TTC31: variants seen among roughly 807,000 people sequenced by gnomAD.
TTC31 encodes the protein tetratricopeptide repeat protein 31.
In TTC31, 59 loss-of-function variants were observed where a neutral mutation model predicts 60.4. That is an observed-to-expected ratio of 0.98 (90% CI 0.79 to 1.21). The LOEUF is 1.21. TTC31 is among the 50% of genes most tolerant of loss of function. The pLI, the probability that TTC31 is intolerant of heterozygous loss-of-function variation, is 0.00. For synonymous variants in TTC31, 225 were observed against 249.6 expected (o/e 0.90, Z 0.93); for missense variants, 672 against 646.9 (o/e 1.04, Z -0.42).
intron 7 of TTC31, 41 bp downstream of exon 7, chr2:74,491,416 T>A: frequency 6.2e-7 from 1 of 1,611,960 alleles, no homozygotes; most frequent in Non-Finnish European, 8.5e-7. Context: ...CTGCTCATTT[T>A]CCTCCTCCTC....
In TTC31 at chr2:74,490,651, T is replaced by G. The variant is rs1355791968; in HGVS notation, c.463-5T>G. 6.2e-7 allele frequency: 1 copy of G among 1,613,776 alleles called. No homozygotes were observed. Among genetic ancestry groups the G allele is most frequent in the African/African-American group, 1.3e-5 (1 of 75,014 alleles). On this transcript the variant is annotated splice_region_variant and splice_polypyrimidine_tract_variant and intron_variant, in intron 4 of 12. Coordinates refer to ENST00000233623, the MANE Select transcript of TTC31 (RefSeq NM_022492.6). Reference sequence around the variant, plus strand: ...TTTTTCTGTCACCTGCCCTTCGTCCTTCAGGAAGCCAATCGCCTGGCTGAG... The same window carrying G: ...TTTTTCTGTCACCTGCCCTTCGTCCGTCAGGAAGCCAATCGCCTGGCTGAG...
chr2:74,484,684 CTT>C (rs1201557359), intron 2 of TTC31, among the ~76,000 whole-genome samples: 1 of 152,080 alleles, frequency 6.6e-6, no homozygotes, highest in Non-Finnish European at 1.5e-5. Flanking sequence ...GTCTCGATCT[CTT>C]GACCTCGTGA....
At position 74,490,384 on chromosome 2, in the gene TTC31, C is replaced by T; in HGVS notation, c.373C>T (p.Gln125Ter). The T allele has an allele frequency of 6.2e-7, 1 of 1,614,118 alleles. No homozygotes were observed. The highest frequency in any genetic ancestry group is 1.1e-5 in the South Asian group (1 of 91,080). The change falls in exon 4 of 13, where the codon CAA becomes TAA. Residue 125 changes from glutamine (Q) to a stop codon, truncating the protein, a stop_gained. Transcript: ENST00000233623. LOFTEE classifies it high-confidence loss of function. ...TCCCCAAGAGTCTGAGCCCTGCCCT[C>T]AAAGCCCCTCTGCCTCTGCCACCTT... is the stretch of plus-strand genomic sequence containing the variant. ...YPPQESEPCPQSPSASATFPS... is the reference protein window; with the variant it reads ...YPPQESEPCP
intron 8 of TTC31, 132 bp from the exon 9 acceptor site, chr2:74,491,872 A>G: frequency 1.3e-6 from 2 of 1,494,908 alleles, no homozygotes; most frequent in South Asian, 1.2e-5. Context: ...GGCTGATACC[A>G]TCTTGTAGGG....
Position 74,483,131 on chromosome 2 carries a change from G to T in TTC31, c.36G>T (p.Lys12Asn), listed in dbSNP as rs775377929. Residue 12 changes from lysine (K) to asparagine (N), a missense_variant, in exon 1 of 13, where the codon AAG becomes AAT. Physicochemically the swap from Lys to Asn is moderately conservative, Grantham distance 94. Coordinates refer to ENST00000233623, the MANE Select transcript of TTC31 (RefSeq NM_022492.6). ...TTCCAAAGACTGTGGGGCGGATCAA[G>T]CTAGGTGAGCGGTATGACAAGACCA... ...APIPKTVGRI[K>N]LDCSLRPSCP... 5.0e-6 allele frequency: 8 copies of T among 1,614,130 alleles called. No individual in the cohort carries two copies. The highest frequency in any genetic ancestry group is 1.3e-5 in the African/African-American group (1 of 74,954).
Position 74,484,061 on chromosome 2 carries a change from C to T in TTC31, c.129+651C>T, listed in dbSNP as rs549933385. Among the ~76,000 whole-genome samples, 49 of 151,876 alleles carry T rather than the reference C, an allele frequency of 3.2e-4. 1 individual carries two copies. In the East Asian group the frequency reaches 7.6e-3, roughly 24 times the overall value. ...GACCAGCCTGGCCAACATGGTGAAA[C>T]GCCATCTCTACCAAAAATACGAAAA... On this transcript the variant is annotated intron_variant, in intron 2 of 12. Coordinates refer to ENST00000233623, the MANE Select transcript of TTC31 (RefSeq NM_022492.6).
chr2:74,483,846 T>G (rs534822617), intron 2 of TTC31: 76 of 207,192 alleles, frequency 3.7e-4, no homozygotes, highest in Admixed American at 3.5e-3. Flanking sequence ...GCCCGCGTGG[T>G]GGGTGGGGGA....
At position 74,492,939 on chromosome 2, in the gene TTC31, A is replaced by C. The variant is rs1410196196; in HGVS notation, c.1281A>C (p.Gly427=). 1.0e-5 allele frequency: 16 copies of C among 1,607,518 alleles called. No individual in the cohort carries two copies. Among genetic ancestry groups the C allele is most frequent in the Non-Finnish European group, 1.3e-5 (15 of 1,175,004 alleles). The change falls in exon 13 of 13, where the codon GGA becomes GGC. Residue 427 remains glycine (G), a synonymous_variant. Coordinates refer to ENST00000233623, the MANE Select transcript of TTC31 (RefSeq NM_022492.6). ...LHLTLQGQRG[G]ICAPPLSPGA... is the part of the protein sequence containing the mutation. ...CTTCTCAGCAGGGTCAGCGAGGAGG[A>C]ATCTGTGCACCACCTCTGTCACCTG...
In TTC31 at chr2:74,483,349, T is replaced by G; in HGVS notation, c.68T>G (p.Leu23Arg). ...LDCSLRPSCP[L>R]EVAAAPKLCK... ...TGCTCTCTACGGCCCAGCTGCCCACTGGAGGTCGCTGCTGCACCCAAACTT... is the reference window on the plus strand; with the variant it reads ...TGCTCTCTACGGCCCAGCTGCCCACGGGAGGTCGCTGCTGCACCCAAACTT... The change falls in exon 2 of 13, where the codon CTG becomes CGG. Residue 23 changes from leucine to arginine, a missense_variant. By Grantham distance (102) the Leu-to-Arg change is moderately radical. Transcript: ENST00000233623. 6.2e-7 allele frequency: 1 copy of G among 1,614,180 alleles called. No individual in the cohort carries two copies.
At chr2:74,484,708 T>G (rs1672884907) in intron 2 of TTC31, among the ~76,000 whole-genome samples, 1 of 152,060 alleles carries the variant, frequency 6.6e-6, no homozygotes, top group Admixed American at 6.5e-5. Flanking sequence ...CCGCCCGCCT[T>G]GGCCTCCCAG....
chr2:74,487,506 C>G (rs1473544558), intron 2 of TTC31, among the ~76,000 whole-genome samples: 2 of 152,038 alleles, frequency 1.3e-5, no homozygotes, highest in Non-Finnish European at 2.9e-5. Context: ...GTGTGAGCCA[C>G]TGCACCCGGC....
At chr2:74,483,435 C>A (rs374507059) in intron 2 of TTC31, 25 bp downstream of exon 2, 2 of 1,614,040 alleles carry the variant, frequency 1.2e-6, no homozygotes, top group Non-Finnish European at 8.5e-7. Context: ...CAGTTTCCCC[C>A]AGTCCTGCTC....
At chr2:74,489,925 T>C (rs1421059801) in intron 2 of TTC31, 100 bp from the exon 3 acceptor site, 6 of 823,248 alleles carry the variant, frequency 7.3e-6, no homozygotes, top group Non-Finnish European at 1.2e-5. Context: ...GATAGCTGGT[T>C]GGTGGCTGCC....
At position 74,492,967 on chromosome 2, in the gene TTC31, G is replaced by C; in HGVS notation, c.1309G>C (p.Ala437Pro). Residue 437 changes from alanine to proline, a missense_variant, in exon 13 of 13, where the codon GCC becomes CCC. Physicochemically the swap from Ala to Pro is conservative, Grantham distance 27 (BLOSUM62 -1). Transcript: ENST00000233623. ...GICAPPLSPG[A>P]LQPLPHAELA... The stretch of plus-strand genomic sequence containing the variant: ...CTGTGCACCACCTCTGTCACCTGGG[G>C]CCCTCCAGCCACTTCCCCATGCTGA... The C allele has an allele frequency of 6.2e-7, 1 of 1,613,456 alleles. No homozygotes were observed. The highest frequency in any genetic ancestry group is 1.1e-5 in the South Asian group (1 of 91,030).
At chr2:74,491,227 A>G (rs1673838881) in intron 6 of TTC31, 43 bp downstream of exon 6, 1 of 1,614,174 alleles carries the variant, frequency 6.2e-7, no homozygotes, top group Non-Finnish European at 8.5e-7. Flanking sequence ...AGTGCCAGGA[A>G]GGTGAGGGCC....
At chr2:74,487,339 C>T (rs1049058877) in intron 2 of TTC31, among the ~76,000 whole-genome samples, 1 of 152,134 alleles carries the variant, frequency 6.6e-6, no homozygotes, top group Non-Finnish European at 1.5e-5. Flanking sequence ...CTACCTCAGC[C>T]TCCCAAGTAG....
intron 2 of TTC31, among the ~76,000 whole-genome samples, chr2:74,485,412 T>TA (rs1672982286): frequency 6.6e-6 from 1 of 151,900 alleles, no homozygotes; most frequent in African/African-American, 2.4e-5. Context: ...AGACTCCTTG[T>TA]ATCTGGCCTG....
rs1674191995 is a variant in TTC31, at chr2:74,493,687, A to G, written c.*469A>G. The G allele has an allele frequency of 6.3e-6, 1 of 158,378 alleles. No homozygotes were observed. The highest frequency in any genetic ancestry group is 1.4e-5 in the Non-Finnish European group (1 of 72,068). 9.8% of individuals were successfully genotyped at this position (158,378 alleles called of 1,614,324 possible). A position where few individuals can be genotyped will look rare whatever the true frequency, so the allele number is the denominator to read the frequency against. On this transcript the variant is annotated 3_prime_UTR_variant, in exon 13 of 13. Transcript: ENST00000233623. ...GCCCCAGCTCGTGCCCTGTTTTTCT[A>G]GCCATAGCCCCCAGATTACTCACAG...
Position 74,492,351 on chromosome 2 carries a change from C to T in TTC31, c.1067C>T (p.Ala356Val), listed in dbSNP as rs747483960. 139 of 1,564,492 alleles carry T rather than the reference C, an allele frequency of 8.9e-5. 1 individual carries two copies. The highest frequency in any genetic ancestry group is 1.2e-4 in the Non-Finnish European group (133 of 1,152,568). Residue 356 changes from alanine (A) to valine (V), a missense_variant, in exon 11 of 13, where the codon GCG (alanine) becomes GTG (valine). By Grantham distance (64) the Ala-to-Val change is moderately conservative. Coordinates refer to ENST00000233623, the MANE Select transcript of TTC31 (RefSeq NM_022492.6). The stretch of plus-strand genomic sequence containing the variant: ...TGCCATGAGCGGTTGGGTCAGCCAG[C>T]GTGGGCCCTGGCTGATGCCCAGGTG... Reference protein sequence around the residue: ...SFCHERLGQPAWALADAQVAL... With the variant: ...SFCHERLGQPVWALADAQVAL...
Sources: allele counts gnomAD v4.1 joint callset (sites outside exome capture counted in the v4.1 genomes callset), GRCh38; gene constraint gnomAD v4.1.1; transcripts MANE v1.5; gene names NCBI Gene and HGNC (gene_info 2026-07-23, HGNC 2026-07-21).